The following PEDS1 variants were observed in gnomAD, a reference collection of about 807,000 sequenced individuals.
PEDS1 encodes CarF homolog.
In PEDS1, 14 loss-of-function variants were observed where a neutral mutation model predicts 35.2. The observed-to-expected ratio is 0.40, with a 90% CI of 0.26 to 0.62. The LOEUF (loss-of-function observed/expected upper bound fraction) is 0.62. Ranked by LOEUF, PEDS1 falls within the 20% of genes least tolerant of loss-of-function variation. The pLI is 0.44. For missense variants in PEDS1, 260 were observed against 367.8 expected, an observed-to-expected ratio of 0.71 and a Z score of 2.40; for synonymous variants, 152 against 152.0, an observed-to-expected ratio of 1.00 and a Z score of 0.00.
At chr20:50,146,532 A>G (rs909543647) in intron 1 of PEDS1, among the ~76,000 whole-genome samples, 19 of 152,168 alleles carry the variant, frequency 1.2e-4, no homozygotes, top group African/African-American at 4.3e-4. Flanking sequence ...GGAAGGAAGT[A>G]CTGGGTTCCC....
chr20:50,128,296 AC>A lies in PEDS1; in HGVS notation c.479-110del. Reference sequence around the variant, plus strand: ...TGGGCGGCTCCTGAGCTGGGCAAGCACCCAGGATTCTCTTCCACCCCCTGCA... The same window carrying A: ...TGGGCGGCTCCTGAGCTGGGCAAGCACCAGGATTCTCTTCCACCCCCTGCA... On this transcript the variant is annotated intron_variant, in intron 4 of 5. Coordinates refer to ENST00000371652, the MANE Select transcript of PEDS1 (RefSeq NM_199129.4). This position sits in a 1 kb window ranked among gnomAD's most constrained non-coding sequence, Gnocchi z 5.2. 1 of 1,371,920 alleles carries A rather than the reference AC, an allele frequency of 7.3e-7. No individual in the cohort carries two copies. Among genetic ancestry groups the A allele is most frequent in the Non-Finnish European group, 9.9e-7 (1 of 1,005,510 alleles). 85.0% of individuals were successfully genotyped at this position (1,371,920 alleles called of 1,614,324 possible). A position where few individuals can be genotyped will look rare whatever the true frequency, so the allele number is the denominator to read the frequency against.
intron 2 of PEDS1, among the ~76,000 whole-genome samples, chr20:50,132,830 TAAGCCACACTCCACA>T (rs2081193725): frequency 6.6e-6 from 1 of 152,238 alleles, no homozygotes; most frequent in African/African-American, 2.4e-5. Context: ...GTCAATCAAC[TAAGCCACACTCCACA>T]AAGGCCTCCT....
intron 2 of PEDS1, among the ~76,000 whole-genome samples, chr20:50,137,181 C>T (rs918795040): frequency 6.6e-6 from 1 of 152,056 alleles, no homozygotes; most frequent in African/African-American, 2.4e-5. Flanking sequence ...ACCCTCCCAC[C>T]TCAGACTCGT....
chr20:50,150,664 C>T (rs986862999), intron 1 of PEDS1, among the ~76,000 whole-genome samples: 2 of 152,084 alleles, frequency 1.3e-5, no homozygotes, highest in Non-Finnish European at 2.9e-5. Context: ...TATGGCCCGG[C>T]TATTTACTAA....
chr20:50,130,923 A>G lies in PEDS1; in HGVS notation c.266T>C (p.Phe89Ser). ...ACCCCAGTGTACCAGGCCAGACAAG[A>G]AGTCAGCAATGAGAGCCCCTGCAAC... Reference protein sequence around the residue: ...GVVAGALIADFLSGLVHWGAD... With the variant: ...GVVAGALIADSLSGLVHWGAD... The change falls in exon 3 of 6, where the codon TTC becomes TCC. Residue 89 changes from phenylalanine to serine, a missense_variant. Coordinates refer to ENST00000371652, the MANE Select transcript of PEDS1 (RefSeq NM_199129.4). 6.2e-7 allele frequency: 1 copy of G among 1,614,186 alleles called. No homozygotes were observed. Among genetic ancestry groups the G allele is most frequent in the East Asian group, 2.2e-5 (1 of 44,884 alleles).
chr20:50,120,086 C>T lies in PEDS1; in HGVS notation c.*4972G>A, dbSNP rs143748867. Reference sequence around the variant, plus strand: ...TTTGAGACTACCCTGGGCAACATAGCGAGACCCCATCTCTAAAAAAAAAAA... The same window carrying T: ...TTTGAGACTACCCTGGGCAACATAGTGAGACCCCATCTCTAAAAAAAAAAA... On this transcript the variant is annotated 3_prime_UTR_variant, in exon 6 of 6. Coordinates refer to ENST00000371652, the MANE Select transcript of PEDS1 (RefSeq NM_199129.4). 3,638 of 129,906 alleles carry T rather than the reference C, an allele frequency of 0.028. 149 individuals are homozygous for T. The highest frequency in any genetic ancestry group is 0.1 in the African/African-American group (3,433 of 33,324). The allele number at this position is 129,906 out of a possible 1,614,324, so 8.0% of individuals were successfully genotyped here.
chr20:50,151,139 G>T (rs1399671460), intron 1 of PEDS1: 2 of 826,982 alleles, frequency 2.4e-6, no homozygotes, highest in African/African-American at 1.8e-5. Context: ...AGATCACACA[G>T]TGAGCAGATA....
Position 50,134,082 on chromosome 20 carries a change from T to G in PEDS1, c.242-3135A>C, listed in dbSNP as rs543339966. On this transcript the variant is annotated intron_variant, in intron 2 of 5. Coordinates refer to ENST00000371652, the MANE Select transcript of PEDS1 (RefSeq NM_199129.4). ...GGCCAAGAGCTATGACAGAACTAGA[T>G]CAAGTGTTGGGGGCCTCAGCTCTTG... Among the ~76,000 whole-genome samples, 5 of 152,322 alleles carry G rather than the reference T, an allele frequency of 3.3e-5. No individual in the cohort carries two copies. In the East Asian group the frequency reaches 9.6e-4, roughly 29 times the overall value.
chr20:50,125,985 A>G (rs1472286788), intron 5 of PEDS1, among the ~76,000 whole-genome samples: 4 of 151,934 alleles, frequency 2.6e-5, no homozygotes, highest in African/African-American at 9.7e-5. Flanking sequence ...TTGGCTTCCT[A>G]AAGTGCTGGG....
chr20:50,136,424 A>G (rs1037047620), intron 2 of PEDS1, among the ~76,000 whole-genome samples: 3 of 152,220 alleles, frequency 2.0e-5, no homozygotes, highest in Admixed American at 2.0e-4. Context: ...AAAAGAGCAC[A>G]GTATGAATGA....
intron 1 of PEDS1, 23 bp from the exon 2 acceptor site, chr20:50,143,644 G>A (rs373286265): frequency 6.2e-6 from 10 of 1,613,622 alleles, no homozygotes; most frequent in Middle Eastern, 1.7e-4. Flanking sequence ...GAGGCGAGAG[G>A]TAAAGGCTGG....
Position 50,124,910 on chromosome 20 carries a change from T to G in PEDS1, c.*148A>C. On this transcript the variant is annotated 3_prime_UTR_variant, in exon 6 of 6. Transcript: ENST00000371652. ...AAATCAGTGGCTCAAGTATTCTGTG[T>G]CATGAGGGGTGGGCTGGGGTACCTG... 1 of 1,018,948 alleles carries G rather than the reference T, an allele frequency of 9.8e-7. No homozygotes were observed. 63.1% of individuals were successfully genotyped at this position (1,018,948 alleles called of 1,614,324 possible).
At chr20:50,137,076 G>GT (rs764879107) in intron 2 of PEDS1, among the ~76,000 whole-genome samples, 3 of 152,010 alleles carry the variant, frequency 2.0e-5, no homozygotes, top group Non-Finnish European at 4.4e-5. Context: ...TTTGTTTGTT[G>GT]TTTTTTTGAG....
intron 1 of PEDS1, among the ~76,000 whole-genome samples, chr20:50,145,655 C>T (rs2081337989): frequency 6.6e-6 from 1 of 151,926 alleles, no homozygotes; most frequent in African/African-American, 2.4e-5. Flanking sequence ...CACGCCATTG[C>T]ACTCCAGCCT....
At position 50,135,658 on chromosome 20, in the gene PEDS1, C is replaced by CAA. The variant is rs34069451; in HGVS notation, c.242-4713_242-4712dup. Among the ~76,000 whole-genome samples, 303 of 37,288 alleles carry CAA rather than the reference C, an allele frequency of 8.1e-3. 11 individuals are homozygous for CAA. Among genetic ancestry groups the CAA allele is most frequent in the African/African-American group, 0.017 (154 of 8,982 alleles). The allele number at this position is 37,288 out of a possible 152,430, so 24.5% of individuals were successfully genotyped here. On this transcript the variant is annotated intron_variant, in intron 2 of 5. Coordinates refer to ENST00000371652, the MANE Select transcript of PEDS1 (RefSeq NM_199129.4). Reference sequence around the variant, plus strand: ...GGGCAACAAGAGCAAAACTCCATCTCAAAAAAAAAAAAAAAAAAAAAAAAG... The same window carrying CAA: ...GGGCAACAAGAGCAAAACTCCATCTCAAAAAAAAAAAAAAAAAAAAAAAAAAG...
intron 2 of PEDS1, among the ~76,000 whole-genome samples, chr20:50,142,288 GCTAGGGACA>G (rs2081298507): frequency 6.6e-6 from 1 of 152,236 alleles, no homozygotes; most frequent in Non-Finnish European, 1.5e-5. Flanking sequence ...TGAGGCTTGA[GCTAGGGACA>G]CAGCAGTGAA....
intron 1 of PEDS1, among the ~76,000 whole-genome samples, chr20:50,147,436 C>G (rs2081357541): frequency 6.6e-6 from 1 of 152,198 alleles, no homozygotes; most frequent in Admixed American, 6.5e-5. Flanking sequence ...CCTGGCTGGG[C>G]CCCTGCAGTC....
intron 2 of PEDS1, among the ~76,000 whole-genome samples, chr20:50,142,679 TCCGCCCCCCCCCCC>T (rs2147295689): frequency 2.0e-5 from 1 of 50,336 alleles, no homozygotes; most frequent in East Asian, 4.8e-4. Flanking sequence ...CCTCAAGTCA[TCCGCCCCCCCCCCC>T]CCGCCCCAAC....
At chr20:50,150,363 T>G (rs545604107) in intron 1 of PEDS1, among the ~76,000 whole-genome samples, 61 of 152,256 alleles carry the variant, frequency 4.0e-4, no homozygotes, top group African/African-American at 1.4e-3. Flanking sequence ...AGCCTACATG[T>G]GTCCTCCATA....
Sources: gnomAD v4.1 joint callset for allele counts (sites outside exome capture counted in the v4.1 genomes callset) on GRCh38, gnomAD v4.1.1 for gene constraint, Gnocchi (gnomAD v3.1) non-coding constraint, MANE v1.5 for transcripts, NCBI Gene and HGNC (gene_info 2026-07-23, HGNC 2026-07-21) for gene names.